The following IMPG1 variants were observed in gnomAD, a reference collection of about 807,000 sequenced individuals.
The protein encoded by IMPG1 is interphotoreceptor matrix proteoglycan of 150 kDa.
Under a neutral mutation model 92.0 loss-of-function variants are expected in IMPG1, and 85 were observed. The ratio of observed to expected loss-of-function variants is 0.92; its 90% CI spans 0.78 to 1.11. The LOEUF is 1.11. IMPG1 is among the 50% of genes least tolerant of loss of function. The probability of loss-of-function intolerance (pLI) is 0.00; values close to 1 mark genes in which losing one functional copy is unlikely to be tolerated. For synonymous variants in IMPG1, 367 were observed against 334.1 expected, an observed-to-expected ratio of 1.10 and a Z score of -1.08; for missense variants, 1,022 against 956.0, an observed-to-expected ratio of 1.07 and a Z score of -0.91.
intron 12 of IMPG1, among the ~76,000 whole-genome samples, chr6:75,999,564 TTTTG>T (rs764074011): frequency 2.6e-5 from 4 of 152,218 alleles, no homozygotes; most frequent in Admixed American, 2.0e-4. Flanking sequence ...TGCACTTTTT[TTTTG>T]TTTGTTTGTT....
chr6:76,030,547 T>C (rs2149486761), intron 4 of IMPG1, among the ~76,000 whole-genome samples: 1 of 152,174 alleles, frequency 6.6e-6, no homozygotes, highest in Non-Finnish European at 1.5e-5. Flanking sequence ...TCCTCCAAAC[T>C]GGAAAGAGTT....
chr6:76,066,377 A>G (rs1784310979), intron 1 of IMPG1, among the ~76,000 whole-genome samples: 1 of 152,138 alleles, frequency 6.6e-6, no homozygotes, highest in Admixed American at 6.6e-5. Flanking sequence ...AAAAAATTCT[A>G]TGTAAACAGA....
At chr6:76,067,574 A>G (rs1331261758) in intron 1 of IMPG1, among the ~76,000 whole-genome samples, 1 of 152,118 alleles carries the variant, frequency 6.6e-6, no homozygotes, top group African/African-American at 2.4e-5. Flanking sequence ...AGAGCCCAGG[A>G]CCAGGTAGAT....
intron 1 of IMPG1, among the ~76,000 whole-genome samples, chr6:76,051,648 A>T (rs1485586974): frequency 6.6e-6 from 1 of 152,104 alleles, no homozygotes; most frequent in Non-Finnish European, 1.5e-5. Context: ...ATTATCAATA[A>T]TGCATGGGGT....
chr6:76,037,984 C>T (rs959494505), intron 2 of IMPG1, among the ~76,000 whole-genome samples: 2 of 152,284 alleles, frequency 1.3e-5, no homozygotes, highest in African/African-American at 2.4e-5. Flanking sequence ...TTGTGTTCTT[C>T]GTTGAGCCTA....
chr6:75,950,943 G>T lies in IMPG1; in HGVS notation c.1443C>A (p.Ile481=), dbSNP rs746414468. 2 of 1,614,002 alleles carry T rather than the reference G, an allele frequency of 1.2e-6. No individual in the cohort carries two copies. Among genetic ancestry groups the T allele is most frequent in the Admixed American group, 1.7e-5 (1 of 59,982 alleles). ...TGATTGCAGAATAATCACTGGTGGG[G>T]ATGGTGAGCCCTGGTACTAGCATTG... The part of the protein sequence containing the change: ...DQTMLVPGLT[I]PTSDYSAISQ... Residue 481 remains isoleucine, a synonymous_variant, in exon 13 of 17, where the codon ATC becomes ATA. Transcript: ENST00000369950.
In IMPG1 at chr6:75,932,588, T is replaced by C. The variant is rs537722855; in HGVS notation, c.2045-1437A>G. Among the ~76,000 whole-genome samples, 3 of 152,330 alleles carry C rather than the reference T, an allele frequency of 2.0e-5. No individual in the cohort carries two copies. In the East Asian group the frequency reaches 5.8e-4, roughly 29 times the overall value. ...AATGAAAGTTTAACTAGTAGAACTTTTGTAAGCAAAATTTTCCCTATGTTG... is the reference window on the plus strand; with the variant it reads ...AATGAAAGTTTAACTAGTAGAACTTCTGTAAGCAAAATTTTCCCTATGTTG... On this transcript the variant is annotated intron_variant, in intron 14 of 16. Transcript: ENST00000369950.
At chr6:75,979,688 A>G (rs918462257) in intron 12 of IMPG1, among the ~76,000 whole-genome samples, 1 of 152,216 alleles carries the variant, frequency 6.6e-6, no homozygotes, top group Non-Finnish European at 1.5e-5. Flanking sequence ...CATTTTTGCA[A>G]TGAAAACACA....
rs956733268 is a variant in IMPG1, at chr6:75,960,672, G to A, written c.1292-9578C>T. On this transcript the variant is annotated intron_variant, in intron 12 of 16. Transcript: ENST00000369950. ...ATCCAAACCTTATCACTATTTGTAAGTGTATTTTAAATAATCATGTTTTCA... is the reference window on the plus strand; with the variant it reads ...ATCCAAACCTTATCACTATTTGTAAATGTATTTTAAATAATCATGTTTTCA... Among the ~76,000 whole-genome samples the A allele has an allele frequency of 2.6e-5, 4 of 152,094 alleles. No homozygotes were observed. In the East Asian group the frequency reaches 5.8e-4, roughly 22 times the overall value.
chr6:76,049,896 G>GATAT (rs1784007419), intron 1 of IMPG1, among the ~76,000 whole-genome samples: 1 of 152,134 alleles, frequency 6.6e-6, no homozygotes, highest in African/African-American at 2.4e-5. Flanking sequence ...GGAGGTTGGT[G>GATAT]TTATTTATTT....
At chr6:75,952,474 C>T (rs1782049408) in intron 12 of IMPG1, among the ~76,000 whole-genome samples, 1 of 152,100 alleles carries the variant, frequency 6.6e-6, no homozygotes, top group African/African-American at 2.4e-5. Context: ...GTGAGTTATG[C>T]CAGATTTCAG....
chr6:76,006,148 C>A (rs1783093201), intron 9 of IMPG1, among the ~76,000 whole-genome samples: 1 of 151,868 alleles, frequency 6.6e-6, no homozygotes, highest in African/African-American at 2.4e-5. Flanking sequence ...TGAAAAAGTG[C>A]TTTTTGTCAA....
chr6:76,054,003 G>T (rs927210821), intron 1 of IMPG1, among the ~76,000 whole-genome samples: 12 of 152,156 alleles, frequency 7.9e-5, no homozygotes, highest in Non-Finnish European at 1.5e-4. Flanking sequence ...GGACCTATCA[G>T]TTCCTGCAGA....
intron 12 of IMPG1, among the ~76,000 whole-genome samples, chr6:75,956,586 A>G (rs1010335731): frequency 6.6e-6 from 1 of 151,484 alleles, no homozygotes; most frequent in Non-Finnish European, 1.5e-5. Context: ...TCATGTCTCT[A>G]TCTTCTTCAC....
chr6:76,011,952 G>A (rs1038670345), intron 7 of IMPG1, among the ~76,000 whole-genome samples: 10 of 151,406 alleles, frequency 6.6e-5, no homozygotes, highest in African/African-American at 2.2e-4. Context: ...ATACACATAG[G>A]GTAATATTTT....
intron 4 of IMPG1, among the ~76,000 whole-genome samples, chr6:76,028,896 C>A (rs1385379171): frequency 6.6e-6 from 1 of 152,168 alleles, no homozygotes; most frequent in Non-Finnish European, 1.5e-5. Context: ...TGCCTGGTTC[C>A]TTTCGAATTT....
chr6:75,929,010 C>T (rs1270980545), intron 15 of IMPG1, among the ~76,000 whole-genome samples: 3 of 152,186 alleles, frequency 2.0e-5, no homozygotes, highest in Middle Eastern at 3.2e-3. Flanking sequence ...GTACTCTAAC[C>T]ATTTCCCTAT....
In IMPG1 at chr6:75,931,031, A is replaced by G. The variant is rs1781659462; in HGVS notation, c.2165T>C (p.Leu722Pro). ...CKPGYDSQGSLDGLEPGLCGP... is the reference protein window; with the variant it reads ...CKPGYDSQGSPDGLEPGLCGP... ...ACAGAGGCCTGGTTCCAGACCGTCC[A>G]GGCTCCCCTGGCTGTCATATCCTGG... The change falls in exon 15 of 17, where the codon CTG (leucine) becomes CCG (proline). Residue 722 changes from leucine (L) to proline (P), a missense_variant. Around this residue, in one of 3 missense-constraint regions of IMPG1, gnomAD observed 332 missense variants for 346.2 expected, o/e 0.96. Coordinates refer to ENST00000369950, the MANE Select transcript of IMPG1 (RefSeq NM_001563.4). The G allele has an allele frequency of 6.2e-7, 1 of 1,614,180 alleles. No homozygotes were observed. The highest frequency in any genetic ancestry group is 1.1e-5 in the South Asian group (1 of 91,082).
At chr6:75,974,626 C>T (rs1013883617) in intron 12 of IMPG1, among the ~76,000 whole-genome samples, 2 of 151,656 alleles carry the variant, frequency 1.3e-5, no homozygotes, top group Admixed American at 1.3e-4. Flanking sequence ...GCAACCATGC[C>T]TGGCTAATTT....
Sources: allele counts gnomAD v4.1 joint callset (sites outside exome capture counted in the v4.1 genomes callset), GRCh38; gene constraint gnomAD v4.1.1; regional missense constraint gnomAD v4.1.1; transcripts MANE v1.5; gene names NCBI Gene and HGNC (gene_info 2026-07-23, HGNC 2026-07-21).